Variants in ENPP2 observed in about 807,000 individuals in gnomAD.
The protein encoded by ENPP2 is autotaxin.
Under a neutral mutation model 120.2 loss-of-function variants are expected in ENPP2, and 51 were observed. The ratio of observed to expected loss-of-function variants is 0.42; its 90% CI spans 0.34 to 0.54. The LOEUF (loss-of-function observed/expected upper bound fraction) is 0.54. ENPP2 is among the 20% of genes least tolerant of loss of function. ENPP2 has a pLI of 0.04. For synonymous variants in ENPP2, 365 were observed against 366.4 expected (o/e 1.00, Z 0.04); for missense variants, 920 against 1,066.5 (o/e 0.86, Z 1.91).
intron 24 of ENPP2, among the ~76,000 whole-genome samples, chr8:119,562,101 C>T (rs1176249979): frequency 1.3e-5 from 2 of 151,052 alleles, no homozygotes; most frequent in African/African-American, 2.4e-5. Flanking sequence ...CACACCACTG[C>T]ACTCCAGCCT....
At position 119,582,522 on chromosome 8, in the gene ENPP2, G is replaced by C. The variant is rs777501255; in HGVS notation, c.1624C>G (p.Pro542Ala). The change falls in exon 18 of 25, where the codon CCA (proline) becomes GCA (alanine). Residue 542 changes from proline (P) to alanine (A), a missense_variant. By Grantham distance (27) the Pro-to-Ala change is conservative (BLOSUM62 -1). Coordinates refer to ENST00000075322, the MANE Select transcript of ENPP2 (RefSeq NM_001040092.3). ...NHLLRTNTFR[P>A]TMPEEVTRPN... Reference sequence around the variant, plus strand: ...CTGGTAACTTCCTCTGGCATGGTTGGCCTGAAGGTATTAGTGCGCAGGAGA... The same window carrying C: ...CTGGTAACTTCCTCTGGCATGGTTGCCCTGAAGGTATTAGTGCGCAGGAGA... The C allele has an allele frequency of 5.6e-6, 9 of 1,613,632 alleles. No individual in the cohort carries two copies. The East Asian group carries it at 2.0e-4, about 36-fold the overall frequency.
At chr8:119,646,592 TGAGACCTTATATGACCCTTA>T (rs1325389799) in intron 1 of ENPP2, among the ~76,000 whole-genome samples, 4 of 152,194 alleles carry the variant, frequency 2.6e-5, no homozygotes, top group Non-Finnish European at 5.9e-5. Flanking sequence ...AGTTTAACTG[TGAGACCTTATATGACCCTTA>T]GGCAAATTAC....
chr8:119,673,155 G>T, intron 1 of ENPP2: 1 of 1,071,046 alleles, frequency 9.3e-7, no homozygotes, highest in Non-Finnish European at 1.4e-6. Flanking sequence ...CGGCAAACCT[G>T]GAGGCCCTTT....
Position 119,587,117 on chromosome 8 carries a change from C to G in ENPP2, c.1208-42G>C, listed in dbSNP as rs757299492. The G allele has an allele frequency of 1.2e-5, 19 of 1,532,934 alleles. No homozygotes were observed. The South Asian group carries it at 1.6e-4, about 13-fold the overall frequency. The allele number at this position is 1,532,934 out of a possible 1,614,324, so 95.0% of individuals were successfully genotyped here. ...GAAAGATTTCAAAAGAAATAACAAC[C>G]ATTACCAAGAGAAATCATTTTTGCA... On this transcript the variant is annotated intron_variant, in intron 13 of 24. Coordinates refer to ENST00000075322, the MANE Select transcript of ENPP2 (RefSeq NM_001040092.3).
chr8:119,579,322 T>A (rs1039232674), intron 19 of ENPP2, among the ~76,000 whole-genome samples: 6 of 152,208 alleles, frequency 3.9e-5, no homozygotes, highest in African/African-American at 1.2e-4. Context: ...TATCATGTGC[T>A]CAGCTTTGGC....
chr8:119,627,933 A>G (rs1274631455), intron 2 of ENPP2, among the ~76,000 whole-genome samples: 2 of 150,398 alleles, frequency 1.3e-5, no homozygotes, highest in Admixed American at 6.6e-5. Context: ...AGGTAAAAAT[A>G]TCAATATTAT....
At chr8:119,610,490 AAGAGAG>A (rs60632673) in intron 8 of ENPP2, among the ~76,000 whole-genome samples, 55 of 148,150 alleles carry the variant, frequency 3.7e-4, no homozygotes, top group Admixed American at 1.3e-3. Context: ...AAGGTTATAA[AAGAGAG>A]AGAGAGAGAG....
At position 119,564,953 on chromosome 8, in the gene ENPP2, C is replaced by T; in HGVS notation, c.2134G>A (p.Val712Ile). 1 of 1,609,572 alleles carries T rather than the reference C, an allele frequency of 6.2e-7. No individual in the cohort carries two copies. Among genetic ancestry groups the T allele is most frequent in the South Asian group, 1.1e-5 (1 of 90,476 alleles). Residue 712 changes from valine to isoleucine, a missense_variant and splice_region_variant, in exon 23 of 25, where the codon GTC becomes ATC. Transcript: ENST00000075322. The part of the protein sequence containing the change: ...MVPMYPAFKR[V>I]WNYFQRVLVK... ...AATACCCTTTGGAAATAATTCCAGA[C>T]CCCTGTGCAAAGACAAAAATCCAAA...
intron 11 of ENPP2, among the ~76,000 whole-genome samples, 183 bp downstream of exon 11, chr8:119,600,495 T>G (rs777616073): frequency 7.9e-5 from 12 of 152,254 alleles, no homozygotes; most frequent in Non-Finnish European, 1.6e-4. Flanking sequence ...ATGAAGCTCC[T>G]GTAACAGAAA....
At chr8:119,647,399 A>G (rs1463018266) in intron 1 of ENPP2, among the ~76,000 whole-genome samples, 1 of 152,144 alleles carries the variant, frequency 6.6e-6, no homozygotes, top group Non-Finnish European at 1.5e-5. Context: ...CCTGGAATAT[A>G]ATAGGAACAC....
chr8:119,591,382 G>C (rs1259444674), intron 12 of ENPP2, among the ~76,000 whole-genome samples: 1 of 152,286 alleles, frequency 6.6e-6, no homozygotes, highest in Non-Finnish European at 1.5e-5. Context: ...CCCAAGATTT[G>C]TTGTGTGTCC....
chr8:119,641,265 C>T (rs1817278342), upstream of ENPP2, among the ~76,000 whole-genome samples: 1 of 151,304 alleles, frequency 6.6e-6, no homozygotes, highest in Non-Finnish European at 1.5e-5. Flanking sequence ...AAGTCCCTAC[C>T]TCGGCTATCA....
At chr8:119,646,291 TTTCTGTTTGGC>T (rs1468769867) in intron 1 of ENPP2, among the ~76,000 whole-genome samples, 6 of 152,148 alleles carry the variant, frequency 3.9e-5, no homozygotes, top group Non-Finnish European at 7.4e-5. Context: ...ACTTAAAACT[TTTCTGTTTGGC>T]TTCCTATCAA....
intron 12 of ENPP2, 73 bp downstream of exon 12, chr8:119,593,679 A>T (rs1460176856): frequency 9.5e-6 from 9 of 950,086 alleles, no homozygotes; most frequent in Non-Finnish European, 1.5e-5. Context: ...TCTAAGGGCA[A>T]GGATTCTTTT....
chr8:119,632,638 G>C (rs1046494629), intron 2 of ENPP2, among the ~76,000 whole-genome samples: 1 of 152,110 alleles, frequency 6.6e-6, no homozygotes, highest in Non-Finnish European at 1.5e-5. Flanking sequence ...ATGATTTAAA[G>C]AAACACCAAT....
chr8:119,634,387 T>A (rs1046211859), intron 2 of ENPP2, among the ~76,000 whole-genome samples: 2 of 152,198 alleles, frequency 1.3e-5, no homozygotes, highest in Non-Finnish European at 2.9e-5. Flanking sequence ...TTTGCACATC[T>A]GCTACCAAAC....
At chr8:119,663,400 T>C (rs1817981611) in intron 1 of ENPP2, among the ~76,000 whole-genome samples, 1 of 152,236 alleles carries the variant, frequency 6.6e-6, no homozygotes, top group Non-Finnish European at 1.5e-5. Context: ...ACTTTTTTAG[T>C]ATTTTCAATA....
chr8:119,603,963 C>T (rs1359970835), intron 9 of ENPP2, among the ~76,000 whole-genome samples: 1 of 150,546 alleles, frequency 6.6e-6, no homozygotes, highest in African/African-American at 2.4e-5. Flanking sequence ...ACCTTAGGTG[C>T]AACATTTAAC....
intron 1 of ENPP2, among the ~76,000 whole-genome samples, chr8:119,646,138 T>C (rs932201874): frequency 7.2e-5 from 11 of 151,840 alleles, no homozygotes; most frequent in Non-Finnish European, 1.5e-4. Flanking sequence ...CCGGCTAATT[T>C]TTTTGTATTT....
Sources: allele counts gnomAD v4.1 joint callset (sites outside exome capture counted in the v4.1 genomes callset), GRCh38; gene constraint gnomAD v4.1.1; transcripts MANE v1.5; gene names NCBI Gene and HGNC (gene_info 2026-07-23, HGNC 2026-07-21).